The following PGBD2 variants were observed in gnomAD, a reference collection of about 807,000 sequenced individuals.
PGBD2 encodes piggyBac transposable element derived 2, also known as piggyBac transposable element-derived protein 2.
Under a neutral mutation model 8.1 loss-of-function variants are expected in PGBD2, and 6 were observed. That is an observed-to-expected ratio of 0.74 (90% CI 0.40 to 1.46). The LOEUF is 1.46. Among genes scored for constraint, PGBD2 ranks in the 40% most tolerant of loss-of-function variants. The pLI is 0.02. For missense variants in PGBD2, 802 were observed against 739.0 expected (o/e 1.09, Z -0.99); for synonymous variants, 318 against 272.2 (o/e 1.17, Z -1.66).
At chr1:248,898,676 A>C in the PGBD2 span, among the ~76,000 whole-genome samples, 5 of 152,204 alleles carry the variant, frequency 3.3e-5, no homozygotes, top group Non-Finnish European at 5.9e-5. Context: ...ACAGACCAAC[A>C]ACACTATGAA....
chr1:248,907,078 G>A (rs1481948474), intron 1 of PGBD2, among the ~76,000 whole-genome samples: 2 of 152,176 alleles, frequency 1.3e-5, no homozygotes, highest in Non-Finnish European at 2.9e-5. Flanking sequence ...CGGTCTCTGA[G>A]TTCCCTCAGT....
the PGBD2 span, among the ~76,000 whole-genome samples, chr1:248,880,087 C>T: frequency 1.3e-4 from 20 of 152,232 alleles, no homozygotes; most frequent in South Asian, 4.2e-3. Context: ...AGGTGTTTGG[C>T]AAGACATTAA....
At chr1:248,876,513 T>A in the PGBD2 span, among the ~76,000 whole-genome samples, 1 of 152,196 alleles carries the variant, frequency 6.6e-6, no homozygotes. Flanking sequence ...AGGGTCCCAG[T>A]GTTTAACCTT....
chr1:248,921,746 A>G (rs944327183), downstream of PGBD2, among the ~76,000 whole-genome samples: 5 of 152,092 alleles, frequency 3.3e-5, no homozygotes, highest in Non-Finnish European at 5.9e-5. Context: ...TTTTCACGAT[A>G]TTGATTCTTC....
At chr1:248,874,661 G>GAGGGGCGGGTC in the PGBD2 span, among the ~76,000 whole-genome samples, 2 of 152,200 alleles carry the variant, frequency 1.3e-5, no homozygotes, top group African/African-American at 4.8e-5. Flanking sequence ...CTGTTGCCTA[G>GAGGGGCGGGTC]AGGGGCGGGT....
chr1:248,878,782 A>G, the PGBD2 span, among the ~76,000 whole-genome samples: 1 of 152,180 alleles, frequency 6.6e-6, no homozygotes, highest in South Asian at 2.1e-4. Flanking sequence ...GAAGCTCCAT[A>G]GTACACTGCC....
At chr1:248,873,796 C>G in the PGBD2 span, among the ~76,000 whole-genome samples, 2 of 152,214 alleles carry the variant, frequency 1.3e-5, no homozygotes, top group Admixed American at 6.5e-5. Context: ...TGTGACGCGG[C>G]AGGCTGGCAC....
At position 248,918,476 on chromosome 1, in the gene PGBD2, G is replaced by C. The variant is rs532248279; in HGVS notation, c.*113G>C. On this transcript the variant is annotated 3_prime_UTR_variant, in exon 3 of 3. Transcript: ENST00000329291. ...AAAAGACCTGAATTTCTAATGACTT[G>C]ATTTTCTATTTTCTCCCTACCCACA... 4 of 1,089,384 alleles carry C rather than the reference G, an allele frequency of 3.7e-6. No individual in the cohort carries two copies. The South Asian group carries it at 7.4e-5, about 20-fold the overall frequency. The allele number at this position is 1,089,384 out of a possible 1,614,324, so 67.5% of individuals were successfully genotyped here.
At chr1:248,907,034 C>G (rs906471628) in intron 1 of PGBD2, among the ~76,000 whole-genome samples, 11 of 152,028 alleles carry the variant, frequency 7.2e-5, no homozygotes, top group Non-Finnish European at 1.6e-4. Flanking sequence ...CCCAGGGGAC[C>G]GGCACTCAGC....
At chr1:248,920,289 C>A (rs1164810213), downstream of PGBD2, among the ~76,000 whole-genome samples, 4 of 151,818 alleles carry the variant, frequency 2.6e-5, no homozygotes, top group African/African-American at 7.3e-5. Flanking sequence ...CTAATGCTAT[C>A]CCTCCCCTAG....
the PGBD2 span, among the ~76,000 whole-genome samples, chr1:248,884,605 T>G: frequency 9.7e-5 from 14 of 144,952 alleles, no homozygotes; most frequent in African/African-American, 3.2e-4. Flanking sequence ...TCATTATAGT[T>G]TTTTAAAAAC....
rs1229861528 is a variant in PGBD2, at chr1:248,906,271, G to C, written c.-119G>C. ...GGCCGCGACGCCCGACGCCAACGCA[G>C]GCGCAGCGCTCCGATTCGGCGCGGC... On this transcript the variant is annotated 5_prime_UTR_variant, in exon 1 of 3. Transcript: ENST00000329291. The C allele has an allele frequency of 6.6e-6, 1 of 152,064 alleles. No individual in the cohort carries two copies. Among genetic ancestry groups the C allele is most frequent in the African/African-American group, 2.4e-5 (1 of 41,428 alleles). The allele number at this position is 152,064 out of a possible 1,614,324, so 9.4% of individuals were successfully genotyped here.
rs1662000163 is a variant in PGBD2 at position 248,913,900 on chromosome 1, A to C, written c.17+21A>C. ...TCCAGGTAGGAGTGCTGTTTGATCA[A>C]ATGTTTTATTGAAGAATTTATTCCC... On this transcript the variant is annotated intron_variant, in intron 2 of 2. Coordinates refer to ENST00000329291, the MANE Select transcript of PGBD2 (RefSeq NM_170725.3). 2.5e-6 allele frequency: 4 copies of C among 1,600,200 alleles called. No individual in the cohort carries two copies. In the East Asian group the frequency reaches 8.9e-5, roughly 36 times the overall value.
downstream of PGBD2, chr1:248,919,331 C>T (rs756803490): frequency 1.8e-5 from 3 of 166,756 alleles, no homozygotes; most frequent in Non-Finnish European, 4.4e-5. Context: ...TAAGTGAGAA[C>T]ATCTGAAGTT....
At chr1:248,900,981 C>G in the PGBD2 span, among the ~76,000 whole-genome samples, 4 of 152,098 alleles carry the variant, frequency 2.6e-5, no homozygotes, top group Non-Finnish European at 5.9e-5. Flanking sequence ...TGAATGAACT[C>G]CCATTCGCAA....
the PGBD2 span, among the ~76,000 whole-genome samples, chr1:248,881,679 T>A: frequency 1.3e-5 from 2 of 152,244 alleles, no homozygotes. Context: ...CTATAGCTCC[T>A]GTTTGTTTTT....
chr1:248,874,240 T>C, the PGBD2 span, among the ~76,000 whole-genome samples: 39 of 152,288 alleles, frequency 2.6e-4, no homozygotes, highest in South Asian at 5.4e-3. Context: ...AAATGACGCA[T>C]CATGTCTTCC....
upstream of PGBD2, among the ~76,000 whole-genome samples, chr1:248,902,773 C>G (rs1055174889): frequency 2.6e-5 from 4 of 151,926 alleles, no homozygotes; most frequent in African/African-American, 7.3e-5. Context: ...CACATGTTCT[C>G]ACTTATAAGT....
intron 2 of PGBD2, among the ~76,000 whole-genome samples, chr1:248,914,094 G>A (rs1394398620): frequency 6.6e-6 from 1 of 152,172 alleles, no homozygotes; most frequent in Non-Finnish European, 1.5e-5. Flanking sequence ...TAGCACTAAT[G>A]TTTACACTCG....
Sources: gnomAD v4.1 joint callset for allele counts (sites outside exome capture counted in the v4.1 genomes callset) on GRCh38, gnomAD v4.1.1 for gene constraint, MANE v1.5 for transcripts, NCBI Gene and HGNC (gene_info 2026-07-23, HGNC 2026-07-21) for gene names.